The following MYO16 variants were observed in gnomAD, a reference collection of about 807,000 sequenced individuals.
The protein encoded by MYO16 is unconventional myosin-XVI.
MYO16 carries 94 observed loss-of-function variants against 205.3 expected under a neutral mutation model. The observed-to-expected ratio is 0.46, with a 90% confidence interval of 0.39 to 0.54. The LOEUF is 0.54. Ranked by LOEUF, MYO16 falls within the 20% of genes least tolerant of loss-of-function variation. The pLI is 0.00. For missense variants in MYO16, 2,315 were observed against 2,387.5 expected, an observed-to-expected ratio of 0.97 and a Z score of 0.63; for synonymous variants, 988 against 954.0, an observed-to-expected ratio of 1.04 and a Z score of -0.66.
intron 9 of MYO16, among the ~76,000 whole-genome samples, chr13:108,842,596 A>G (rs1039685302): frequency 1.3e-5 from 2 of 152,116 alleles, no homozygotes; most frequent in Non-Finnish European, 2.9e-5. Context: ...CAAAAAGACA[A>G]GAGATAACTA....
At position 108,786,262 on chromosome 13, in the gene MYO16, C is replaced by T. The variant is rs376060769; in HGVS notation, c.616+519C>T. Among the ~76,000 whole-genome samples the T allele has an allele frequency of 7.9e-5, 12 of 152,160 alleles. No individual in the cohort carries two copies. In the East Asian group the frequency reaches 2.1e-3, roughly 27 times the overall value. On this transcript the variant is annotated intron_variant, in intron 5 of 34. Transcript: ENST00000457511. ...GAAAGCCCTATGGCCATGATGCTAG[C>T]CTGAAAAGATGAGGCTGAGCCCCTA...
At chr13:108,867,811 C>T (rs1046563922) in intron 12 of MYO16, among the ~76,000 whole-genome samples, 3 of 152,148 alleles carry the variant, frequency 2.0e-5, no homozygotes, top group African/African-American at 7.2e-5. Context: ...CTCCCATGCC[C>T]TGTGTCAAAC....
chr13:109,146,433 A>C (rs1047127343), intron 32 of MYO16, among the ~76,000 whole-genome samples: 2 of 152,178 alleles, frequency 1.3e-5, no homozygotes, highest in African/African-American at 2.4e-5. Flanking sequence ...ATCCTATTTC[A>C]TCTCTACTCC....
the MYO16 span, among the ~76,000 whole-genome samples, chr13:108,549,237 G>T: frequency 4.6e-5 from 7 of 152,240 alleles, no homozygotes; most frequent in Admixed American, 3.9e-4. Context: ...GGGTCATCTG[G>T]GTGATCCCAT....
At chr13:109,071,254 AT>A (rs1022141330) in intron 27 of MYO16, among the ~76,000 whole-genome samples, 157 of 152,262 alleles carry the variant, frequency 1.0e-3, no homozygotes, top group African/African-American at 3.7e-3. Context: ...CAAAACATCT[AT>A]TTTTTATAAG....
chr13:109,164,606 A>G (rs558043913), intron 32 of MYO16, among the ~76,000 whole-genome samples: 1 of 152,326 alleles, frequency 6.6e-6, no homozygotes, highest in East Asian at 1.9e-4. Context: ...TTGCTTTCTC[A>G]TGACAGGCAA....
chr13:108,796,449 T>C (rs1355599226), intron 6 of MYO16, among the ~76,000 whole-genome samples: 1 of 152,182 alleles, frequency 6.6e-6, no homozygotes, highest in African/African-American at 2.4e-5. Flanking sequence ...ATCATGCTGC[T>C]ATAAAGACAC....
At chr13:108,897,380 A>G (rs1880474775) in intron 14 of MYO16, among the ~76,000 whole-genome samples, 1 of 152,164 alleles carries the variant, frequency 6.6e-6, no homozygotes. Context: ...AGCGTTGCAA[A>G]GCCACAAACT....
At chr13:108,930,804 A>T (rs573707215) in intron 16 of MYO16, among the ~76,000 whole-genome samples, 3 of 152,328 alleles carry the variant, frequency 2.0e-5, no homozygotes, top group Admixed American at 6.5e-5. Context: ...ACCTAGAAAA[A>T]TCAAATATAA....
chr13:109,140,233 C>T lies in MYO16; in HGVS notation c.4052-31C>T. ...GTGGGCACCCGTGGGCCTGGCCTGG[C>T]ACCCACTGACCGCGTCCTTTCCTGC... On this transcript the variant is annotated intron_variant, in intron 31 of 34. Coordinates refer to ENST00000457511, the MANE Select transcript of MYO16 (RefSeq NM_001198950.3). The surrounding 1 kb of genome is among the most constrained non-coding windows in gnomAD (Gnocchi z 8.0). 6 of 1,595,264 alleles carry T rather than the reference C, an allele frequency of 3.8e-6. No individual in the cohort carries two copies. Among genetic ancestry groups the T allele is most frequent in the Non-Finnish European group, 5.1e-6 (6 of 1,177,626 alleles).
At chr13:109,110,018 T>C (rs1180159535) in intron 28 of MYO16, among the ~76,000 whole-genome samples, 1 of 152,182 alleles carries the variant, frequency 6.6e-6, no homozygotes, top group Non-Finnish European at 1.5e-5. Context: ...CAGATGACAA[T>C]AGGACAAGGG....
intron 3 of MYO16, among the ~76,000 whole-genome samples, chr13:108,722,881 T>C (rs1002444694): frequency 6.6e-6 from 1 of 152,214 alleles, no homozygotes; most frequent in African/African-American, 2.4e-5. Context: ...AGTTTTTTTA[T>C]TGCTACACAT....
intron 33 of MYO16, among the ~76,000 whole-genome samples, chr13:109,169,996 G>A (rs1459907589): frequency 6.6e-6 from 1 of 152,106 alleles, no homozygotes; most frequent in Non-Finnish European, 1.5e-5. Context: ...ATTCCTGATA[G>A]ATTATAGATC....
rs79623471 is a variant in MYO16, at chr13:109,081,913, C to T, written c.3336-18872C>T. Among the ~76,000 whole-genome samples the T allele has an allele frequency of 6.2e-3, 947 of 152,256 alleles. 10 individuals carry two copies. The highest frequency in any genetic ancestry group is 0.021 in the African/African-American group (883 of 41,514). ...TCAGGGGTTGGCAAACTTCAGCTGA[C>T]GGGCCAAATCCACTCAGCAGCCTGT... On this transcript the variant is annotated intron_variant, in intron 27 of 34. Coordinates refer to ENST00000457511, the MANE Select transcript of MYO16 (RefSeq NM_001198950.3).
intron 1 of MYO16, among the ~76,000 whole-genome samples, chr13:108,652,426 C>T (rs1024040427): frequency 4.6e-5 from 7 of 152,200 alleles, no homozygotes; most frequent in African/African-American, 1.7e-4. Context: ...GAACACATAA[C>T]ATAAAATGTA....
At chr13:108,548,810 C>T in the MYO16 span, among the ~76,000 whole-genome samples, 1 of 152,106 alleles carries the variant, frequency 6.6e-6, no homozygotes, top group Non-Finnish European at 1.5e-5. Flanking sequence ...GCTAAGAATT[C>T]ATTAATTATT....
chr13:108,963,550 A>C (rs1433027984), intron 19 of MYO16, among the ~76,000 whole-genome samples: 1 of 152,028 alleles, frequency 6.6e-6, no homozygotes, highest in Non-Finnish European at 1.5e-5. Flanking sequence ...ATCTCACCTT[A>C]TCTCAACTTG....
chr13:109,140,974 C>A lies in MYO16; in HGVS notation c.4762C>A (p.Arg1588=), dbSNP rs779248735. The A allele has an allele frequency of 7.0e-7, 1 of 1,430,930 alleles. No individual in the cohort carries two copies. Among genetic ancestry groups the A allele is most frequent in the South Asian group, 1.5e-5 (1 of 65,988 alleles). The allele number at this position is 1,430,930 out of a possible 1,614,324, so 88.6% of individuals were successfully genotyped here. A position where few individuals can be genotyped will look rare whatever the true frequency, so the allele number is the denominator to read the frequency against. ...CCTGGCGCTGTTCAACGGGTCCGGC[C>A]GAGCCTCCCCGCCGTCCACGCCGCC... The part of the protein sequence containing the change: ...PGLALFNGSG[R]ASPPSTPPPP... The change falls in exon 32 of 35, where the codon CGA becomes AGA. Residue 1588 remains arginine (R), a synonymous_variant. Coordinates refer to ENST00000457511, the MANE Select transcript of MYO16 (RefSeq NM_001198950.3). This position sits in a 1 kb window ranked among gnomAD's most constrained non-coding sequence, Gnocchi z 8.0.
At chr13:108,598,235 G>A (rs982106108) in intron 1 of MYO16, among the ~76,000 whole-genome samples, 1 of 152,184 alleles carries the variant, frequency 6.6e-6, no homozygotes, top group Admixed American at 6.6e-5. Context: ...ATCTGATTCC[G>A]GCCTTCAAGT....
Sources: allele counts gnomAD v4.1 joint callset (sites outside exome capture counted in the v4.1 genomes callset), GRCh38; gene constraint gnomAD v4.1.1; non-coding constraint Gnocchi (gnomAD v3.1); transcripts MANE v1.5; gene names NCBI Gene and HGNC (gene_info 2026-07-23, HGNC 2026-07-21).